The following FCHO1 variants were observed in gnomAD, a reference collection of about 807,000 sequenced individuals.
FCHO1 encodes F-BAR domain only protein 1.
Under a neutral mutation model 114.4 loss-of-function variants are expected in FCHO1, and 45 were observed. That is an observed-to-expected ratio of 0.39 (90% CI 0.31 to 0.50). The LOEUF (loss-of-function observed/expected upper bound fraction) is 0.50, where lower values mean the gene tolerates loss of function less well. Ranked by LOEUF, FCHO1 falls within the 20% of genes least tolerant of loss-of-function variation. The pLI, the probability that FCHO1 is intolerant of heterozygous loss-of-function variation, is 0.77. For missense variants in FCHO1, 1,042 were observed against 1,209.6 expected (o/e 0.86, Z 2.06); for synonymous variants, 480 against 488.9 (o/e 0.98, Z 0.24).
chr19:17,756,981 G>A (rs1568317622), intron 4 of FCHO1, among the ~76,000 whole-genome samples: 1 of 152,066 alleles, frequency 6.6e-6, no homozygotes, highest in Non-Finnish European at 1.5e-5. Context: ...CTGAGGTCAG[G>A]AATTGGAGAC....
At chr19:17,781,941 A>G (rs1252460541) in intron 23 of FCHO1, 121 bp downstream of exon 23, 6 of 615,650 alleles carry the variant, frequency 9.7e-6, no homozygotes, top group Non-Finnish European at 1.6e-5. Context: ...ACACTGAGCC[A>G]AGTGACCAGG....
intron 4 of FCHO1, among the ~76,000 whole-genome samples, chr19:17,761,653 T>TATACAC (rs1491266072): frequency 2.9e-5 from 4 of 139,728 alleles, no homozygotes; most frequent in African/African-American, 1.1e-4. Context: ...TATATATATA[T>TATACAC]ACACACACAC....
intron 7 of FCHO1, among the ~76,000 whole-genome samples, chr19:17,769,274 CAAAAAAA>C (rs34490038): frequency 3.9e-5 from 2 of 51,816 alleles, no homozygotes; most frequent in Non-Finnish European, 6.4e-5. Flanking sequence ...GACTCCGCCT[CAAAAAAA>C]AAAAAAAAAA....
chr19:17,749,960 G>A (rs1281144493), upstream of FCHO1, among the ~76,000 whole-genome samples: 1 of 152,194 alleles, frequency 6.6e-6, no homozygotes, highest in Non-Finnish European at 1.5e-5. Context: ...GATCGTGGAA[G>A]GTCAGGAGTG....
In FCHO1 at chr19:17,778,324, A is replaced by C; in HGVS notation, c.1351+96A>C. On this transcript the variant is annotated intron_variant, in intron 19 of 28. Transcript: ENST00000596536. The stretch of plus-strand genomic sequence containing the variant: ...AGGCCAATGAGGTCCCCTGGAAGCC[A>C]GGCTGGAGGGAGGACTAGTCCGTGT... The C allele has an allele frequency of 4.4e-6, 4 of 907,346 alleles. No individual in the cohort carries two copies. In the South Asian group the frequency reaches 5.3e-5, roughly 12 times the overall value. 56.2% of individuals were successfully genotyped at this position (907,346 alleles called of 1,614,324 possible). A position where few individuals can be genotyped will look rare whatever the true frequency, so the allele number is the denominator to read the frequency against.
intron 20 of FCHO1, among the ~76,000 whole-genome samples, 193 bp downstream of exon 20, chr19:17,779,077 C>T (rs2093034765): frequency 6.6e-6 from 1 of 152,060 alleles, no homozygotes; most frequent in Non-Finnish European, 1.5e-5. Context: ...CAGGTGGGGG[C>T]CCTCCCTGAG....
At chr19:17,773,160 C>T (rs1322784435) in intron 11 of FCHO1, among the ~76,000 whole-genome samples, 1 of 152,238 alleles carries the variant, frequency 6.6e-6, no homozygotes, top group African/African-American at 2.4e-5. Context: ...TGCGCAGATG[C>T]AGGACTGGGA....
At chr19:17,761,635 T>TATAC (rs752136488) in intron 4 of FCHO1, among the ~76,000 whole-genome samples, 1 of 98,188 alleles carries the variant, frequency 1.0e-5, no homozygotes, top group Non-Finnish European at 2.1e-5. Flanking sequence ...TGTATATACA[T>TATAC]ATATATATAT....
intron 20 of FCHO1, among the ~76,000 whole-genome samples, chr19:17,780,169 T>TC (rs1348687176): frequency 1.4e-5 from 2 of 147,882 alleles, no homozygotes; most frequent in Non-Finnish European, 3.0e-5. Flanking sequence ...CTCTTTTTTT[T>TC]TTTTTTTTTT....
intron 24 of FCHO1, among the ~76,000 whole-genome samples, chr19:17,783,617 G>C (rs1484999016): frequency 4.0e-5 from 6 of 150,376 alleles, no homozygotes; most frequent in Admixed American, 2.7e-4. Flanking sequence ...TTTTGCTCTT[G>C]TTGCCCAGGC....
chr19:17,760,940 C>T (rs879662918), intron 4 of FCHO1, among the ~76,000 whole-genome samples: 11 of 152,226 alleles, frequency 7.2e-5, no homozygotes, highest in African/African-American at 2.2e-4. Flanking sequence ...TGAGCCACCG[C>T]GCCTAACCTC....
In FCHO1 at chr19:17,766,720, G is replaced by T; in HGVS notation, c.246G>T (p.Ala82=). The T allele has an allele frequency of 6.2e-7, 1 of 1,614,136 alleles. No homozygotes were observed. Among genetic ancestry groups the T allele is most frequent in the Non-Finnish European group, 8.5e-7 (1 of 1,180,010 alleles). Residue 82 remains alanine, a synonymous_variant, in exon 7 of 29, where the codon GCG becomes GCT. Transcript: ENST00000596536. ...EVFRVSSDKL[A]LCHLELTRKL... ...TCCGCGTCTCCTCGGACAAGCTGGC[G>T]CTGTGCCACCTGGAACTGACACGGA... is the stretch of plus-strand genomic sequence containing the variant.
intron 5 of FCHO1, among the ~76,000 whole-genome samples, chr19:17,763,375 T>C (rs1236950877): frequency 6.6e-6 from 1 of 150,850 alleles, no homozygotes; most frequent in East Asian, 2.0e-4. Flanking sequence ...GCAATTCTCC[T>C]GCCTCAGCCT....
At chr19:17,750,889 A>G (rs2081773441), upstream of FCHO1, among the ~76,000 whole-genome samples, 1 of 141,562 alleles carries the variant, frequency 7.1e-6, no homozygotes, top group South Asian at 2.2e-4. Context: ...CAGTGGCGCA[A>G]TCTCGGCTCA....
chr19:17,768,991 A>AAG (rs2090445626), intron 7 of FCHO1, among the ~76,000 whole-genome samples: 1 of 151,266 alleles, frequency 6.6e-6, no homozygotes, highest in African/African-American at 2.4e-5. Context: ...TCTTAAAAAA[A>AAG]AAAGCTGGGC....
rs2093722156 is a variant in FCHO1, at chr19:17,784,717, C to G, written c.2227-8C>G. The G allele has an allele frequency of 1.2e-6, 2 of 1,613,758 alleles. No individual in the cohort carries two copies. The highest frequency in any genetic ancestry group is 1.7e-6 in the Non-Finnish European group (2 of 1,179,860). On this transcript the variant is annotated splice_polypyrimidine_tract_variant and splice_region_variant and intron_variant, in intron 25 of 28. Transcript: ENST00000596536. This position sits in a 1 kb window ranked among gnomAD's most constrained non-coding sequence, Gnocchi z 5.3. Reference sequence around the variant, plus strand: ...CTGTGTCCTCTCTCTCATTCTCATTCTTCCTAGTTCTCCCGCCCGGGTCCC... The same window carrying G: ...CTGTGTCCTCTCTCTCATTCTCATTGTTCCTAGTTCTCCCGCCCGGGTCCC...
intron 19 of FCHO1, 96 bp from the exon 20 acceptor site, chr19:17,778,513 C>G: frequency 7.1e-7 from 1 of 1,412,090 alleles, no homozygotes; most frequent in South Asian, 1.4e-5. Context: ...GGGGGCCCCC[C>G]TGACCTTCCC....
At chr19:17,778,554 G>A (rs1008302859) in intron 19 of FCHO1, 55 bp from the exon 20 acceptor site, 5 of 1,474,090 alleles carry the variant, frequency 3.4e-6, no homozygotes, top group Non-Finnish European at 4.5e-6. Flanking sequence ...AGGAGGATGG[G>A]CAGGGACTCT....
intron 5 of FCHO1, among the ~76,000 whole-genome samples, chr19:17,763,278 T>G (rs1198592993): frequency 2.0e-5 from 3 of 150,530 alleles, no homozygotes; most frequent in Non-Finnish European, 4.4e-5. Context: ...TTTTTTTTTT[T>G]TTTAAACAGA....
Sources: allele counts gnomAD v4.1 joint callset (sites outside exome capture counted in the v4.1 genomes callset), GRCh38; gene constraint gnomAD v4.1.1; non-coding constraint Gnocchi (gnomAD v3.1); transcripts MANE v1.5; gene names NCBI Gene and HGNC (gene_info 2026-07-23, HGNC 2026-07-21).